The following SLAMF6 variants were observed in gnomAD, a reference collection of about 807,000 sequenced individuals.
The protein encoded by SLAMF6 is SLAM family member 6, also known as NK-T-B-antigen.
Under a neutral mutation model 38.3 loss-of-function variants are expected in SLAMF6, and 21 were observed. That is an observed-to-expected ratio of 0.55 (90% CI 0.39 to 0.79). SLAMF6 has a LOEUF of 0.79. SLAMF6 is among the 30% of genes least tolerant of loss of function. SLAMF6 has a pLI of 0.00. For missense variants in SLAMF6, 341 were observed against 385.3 expected (o/e 0.89, Z 0.96); for synonymous variants, 152 against 146.3 (o/e 1.04, Z -0.28).
chr1:160,520,490 T>G (rs1654934605), intron 1 of SLAMF6, among the ~76,000 whole-genome samples: 1 of 152,180 alleles, frequency 6.6e-6, no homozygotes, highest in Non-Finnish European at 1.5e-5. Context: ...CCAATCAGCA[T>G]TTTAATAAGA....
chr1:160,489,910 G>A (rs1352832534), intron 5 of SLAMF6, among the ~76,000 whole-genome samples: 1 of 152,142 alleles, frequency 6.6e-6, no homozygotes, highest in African/African-American at 2.4e-5. Flanking sequence ...CTTGCTGGGT[G>A]ACAAGGGATG....
At chr1:160,495,553 G>A (rs1033540890) in intron 2 of SLAMF6, among the ~76,000 whole-genome samples, 4 of 152,158 alleles carry the variant, frequency 2.6e-5, no homozygotes, top group Admixed American at 2.6e-4. Context: ...TTTCTAGGTA[G>A]ACCACTGTTC....
chr1:160,509,870 A>G (rs1295268908), intron 1 of SLAMF6, among the ~76,000 whole-genome samples: 1 of 152,170 alleles, frequency 6.6e-6, no homozygotes, highest in Non-Finnish European at 1.5e-5. Context: ...TTGACAAAGA[A>G]TAAAATAGAA....
intron 1 of SLAMF6, among the ~76,000 whole-genome samples, chr1:160,521,716 A>C (rs1654993601): frequency 6.6e-6 from 1 of 152,068 alleles, no homozygotes; most frequent in Non-Finnish European, 1.5e-5. Flanking sequence ...TAACTTCCTC[A>C]TGTATAGCAC....
chr1:160,495,153 T>C (rs1653507954), intron 2 of SLAMF6, among the ~76,000 whole-genome samples: 1 of 152,196 alleles, frequency 6.6e-6, no homozygotes, highest in Non-Finnish European at 1.5e-5. Flanking sequence ...TTGAGTACCA[T>C]GTCTTAACCC....
chr1:160,502,619 A>T (rs1273490141), intron 1 of SLAMF6, among the ~76,000 whole-genome samples: 2 of 152,230 alleles, frequency 1.3e-5, no homozygotes, highest in Non-Finnish European at 2.9e-5. Flanking sequence ...ATTAAAAAAC[A>T]TGAAGTATTT....
chr1:160,521,540 T>C (rs920241734), intron 1 of SLAMF6, among the ~76,000 whole-genome samples: 2 of 152,218 alleles, frequency 1.3e-5, no homozygotes, highest in African/African-American at 2.4e-5. Flanking sequence ...GAAGTGGCTC[T>C]TGAATGAAGG....
chr1:160,508,868 G>A (rs1353121833), intron 1 of SLAMF6, among the ~76,000 whole-genome samples: 1 of 152,094 alleles, frequency 6.6e-6, no homozygotes, highest in Non-Finnish European at 1.5e-5. Context: ...CTTCTCAAAA[G>A]AAGACATTTA....
chr1:160,498,042 T>TG (rs1242386765), intron 1 of SLAMF6, among the ~76,000 whole-genome samples: 8 of 152,262 alleles, frequency 5.3e-5, no homozygotes. Flanking sequence ...TTAAGTTTTT[T>TG]GAAAAATCTC....
At chr1:160,490,487 C>T (rs1019888830) in intron 4 of SLAMF6, 88 bp downstream of exon 4, 20 of 1,538,152 alleles carry the variant, frequency 1.3e-5, no homozygotes, top group Non-Finnish European at 1.8e-5. Flanking sequence ...CTCCTGTCTT[C>T]CACAAGAGAT....
chr1:160,510,980 T>A (rs1654442036), intron 1 of SLAMF6, among the ~76,000 whole-genome samples: 1 of 152,174 alleles, frequency 6.6e-6, no homozygotes, highest in Non-Finnish European at 1.5e-5. Flanking sequence ...AGCAGTTCCA[T>A]GTACAGTAGC....
chr1:160,503,468 T>A (rs1049910167), intron 1 of SLAMF6, among the ~76,000 whole-genome samples: 2 of 152,008 alleles, frequency 1.3e-5, no homozygotes, highest in African/African-American at 4.8e-5. Context: ...CTTTCTCCAA[T>A]GATTATAGCA....
At chr1:160,503,074 T>C (rs1653993402) in intron 1 of SLAMF6, among the ~76,000 whole-genome samples, 1 of 152,136 alleles carries the variant, frequency 6.6e-6, no homozygotes, top group Admixed American at 6.6e-5. Flanking sequence ...AAGAGGTTAG[T>C]CTTGGGTAGA....
At chr1:160,501,947 G>A (rs1449591020) in intron 1 of SLAMF6, among the ~76,000 whole-genome samples, 2 of 151,826 alleles carry the variant, frequency 1.3e-5, no homozygotes, top group African/African-American at 2.4e-5. Context: ...CCAAACCAAA[G>A]CAAAACTAGA....
chr1:160,504,169 G>A (rs1321398225), intron 1 of SLAMF6, among the ~76,000 whole-genome samples: 1 of 152,086 alleles, frequency 6.6e-6, no homozygotes, highest in African/African-American at 2.4e-5. Flanking sequence ...TTGCAGATAT[G>A]TAGGGTAAAT....
In SLAMF6 at chr1:160,486,681, G is replaced by A. The variant is rs1447735173; in HGVS notation, c.*26C>T. On this transcript the variant is annotated 3_prime_UTR_variant, in exon 8 of 8. Transcript: ENST00000368057. ...TGGGATCAGAAGACGTGTCATTCCC[G>A]AATTCCTCTGAGGCCTTTCAGCAAC... The A allele has an allele frequency of 3.7e-6, 6 of 1,607,782 alleles. No homozygotes were observed. Among genetic ancestry groups the A allele is most frequent in the South Asian group, 2.2e-5 (2 of 90,940 alleles).
chr1:160,512,431 C>T (rs909258421), intron 1 of SLAMF6, among the ~76,000 whole-genome samples: 4 of 152,174 alleles, frequency 2.6e-5, no homozygotes, highest in Non-Finnish European at 4.4e-5. Flanking sequence ...TTTTCCCCTG[C>T]TGGCTCTGAG....
Position 160,501,547 on chromosome 1 carries a change from A to G in SLAMF6, c.50-5154T>C, listed in dbSNP as rs554521661. Among the ~76,000 whole-genome samples, 7 of 152,316 alleles carry G rather than the reference A, an allele frequency of 4.6e-5. No individual in the cohort carries two copies. In the East Asian group the frequency reaches 1.3e-3, roughly 29 times the overall value. ...TTGAATTGTTAGAGATATGTGCTCC[A>G]TGGGAGCAAAAATTTAGAGAATCAT... On this transcript the variant is annotated intron_variant, in intron 1 of 7. Transcript: ENST00000368057.
At chr1:160,490,069 A>C (rs1364064520) in intron 5 of SLAMF6, 129 bp downstream of exon 5, 14 of 1,050,538 alleles carry the variant, frequency 1.3e-5, no homozygotes, top group Admixed American at 5.1e-5. Flanking sequence ...CCCTCACAGC[A>C]TGTGGTCTGA....
Sources: gnomAD v4.1 joint callset for allele counts (sites outside exome capture counted in the v4.1 genomes callset) on GRCh38, gnomAD v4.1.1 for gene constraint, MANE v1.5 for transcripts, NCBI Gene and HGNC (gene_info 2026-07-23, HGNC 2026-07-21) for gene names.